The following FAM168B variants were observed in gnomAD, a reference collection of about 807,000 sequenced individuals.
FAM168B encodes myelin-associated neurite-outgrowth inhibitor.
Under a neutral mutation model 21.8 loss-of-function variants are expected in FAM168B, and 19 were observed. The observed-to-expected ratio is 0.87, with a 90% CI of 0.61 to 1.28. The LOEUF is 1.28. Ranked by LOEUF, FAM168B falls within the 50% of genes most tolerant of loss-of-function variation. The pLI is 0.00. For missense variants in FAM168B, 233 were observed against 263.1 expected, an observed-to-expected ratio of 0.89 and a Z score of 0.79; for synonymous variants, 126 against 104.8, an observed-to-expected ratio of 1.20 and a Z score of -1.24.
chr2:131,091,263 C>T lies in FAM168B; in HGVS notation c.-12+1951G>A, dbSNP rs192565692. Reference sequence around the variant, plus strand: ...CTGAGGCAGGAGAATCACTTGAACCCGGGAGGAGGAGGTTGCAGTGAGCCG... The same window carrying T: ...CTGAGGCAGGAGAATCACTTGAACCTGGGAGGAGGAGGTTGCAGTGAGCCG... On this transcript the variant is annotated intron_variant, in intron 1 of 6. Transcript: ENST00000389915. Among the ~76,000 whole-genome samples the T allele has an allele frequency of 2.6e-5, 4 of 151,908 alleles. No homozygotes were observed. In the East Asian group the frequency reaches 5.8e-4, roughly 22 times the overall value.
intron 1 of FAM168B, among the ~76,000 whole-genome samples, chr2:131,083,840 G>A (rs1693542270): frequency 6.6e-6 from 1 of 151,974 alleles, no homozygotes; most frequent in Non-Finnish European, 1.5e-5. Context: ...GACTCTAGAT[G>A]GGAGTGGATT....
At chr2:131,083,974 G>A (rs1476243057) in intron 1 of FAM168B, among the ~76,000 whole-genome samples, 1 of 151,988 alleles carries the variant, frequency 6.6e-6, no homozygotes, top group South Asian at 2.1e-4. Flanking sequence ...CATGATCTCA[G>A]CTCACTGCAA....
chr2:131,091,754 C>T (rs1694043049), intron 1 of FAM168B, among the ~76,000 whole-genome samples: 1 of 151,948 alleles, frequency 6.6e-6, no homozygotes, highest in Non-Finnish European at 1.5e-5. Flanking sequence ...TATTTCTGCA[C>T]AGTACAATCA....
intron 2 of FAM168B, 77 bp downstream of exon 2, chr2:131,082,500 A>C: frequency 9.9e-7 from 1 of 1,007,902 alleles, no homozygotes; most frequent in Non-Finnish European, 1.5e-6. Context: ...GTTTGTCAAT[A>C]GAAAGCATTC....
intron 2 of FAM168B, among the ~76,000 whole-genome samples, chr2:131,075,401 A>G (rs1693093015): frequency 1.3e-5 from 2 of 152,274 alleles, no homozygotes; most frequent in East Asian, 1.9e-4. Context: ...TCTCATGGGA[A>G]GAGGGCTGCT....
At position 131,062,926 on chromosome 2, in the gene FAM168B, A is replaced by G. The variant is rs188475515; in HGVS notation, c.155-7231T>C. 5.3e-5 allele frequency among the ~76,000 whole-genome samples: 8 copies of G among 152,346 alleles called. No homozygotes were observed. The East Asian group carries it at 1.5e-3, about 29-fold the overall frequency. The stretch of plus-strand genomic sequence containing the variant: ...AAAACCAAAAAGGAACTAAACAAAT[A>G]ATGATGTGCATGCTCAAGTTATTGA... On this transcript the variant is annotated intron_variant, in intron 3 of 6. Coordinates refer to ENST00000389915, the MANE Select transcript of FAM168B (RefSeq NM_001009993.4).
chr2:131,052,762 C>T, intron 6 of FAM168B, 129 bp downstream of exon 6: 1 of 1,393,080 alleles, frequency 7.2e-7, no homozygotes, highest in East Asian at 2.6e-5. Flanking sequence ...AATTTAAACA[C>T]TACATTGCCT....
At chr2:131,084,236 C>A (rs2105578714) in intron 1 of FAM168B, among the ~76,000 whole-genome samples, 1 of 141,726 alleles carries the variant, frequency 7.1e-6, no homozygotes, top group South Asian at 2.3e-4. Context: ...GTTGCCCAGG[C>A]TGGAGTGCAG....
intron 5 of FAM168B, among the ~76,000 whole-genome samples, chr2:131,053,950 G>C (rs1431307185): frequency 6.6e-6 from 1 of 152,006 alleles, no homozygotes; most frequent in Non-Finnish European, 1.5e-5. Context: ...ACGCCTGTAA[G>C]CCCAGCACTC....
intron 3 of FAM168B, 61 bp from the exon 4 acceptor site, chr2:131,055,756 C>A: frequency 6.3e-7 from 1 of 1,578,814 alleles, no homozygotes; most frequent in Non-Finnish European, 8.6e-7. Flanking sequence ...AGGGAGAGGA[C>A]ACAGGCAGGG....
rs946525007 is a variant in FAM168B at position 131,050,871 on chromosome 2, G to C, written c.*1594C>G. ...ACCACCACTGCACTGGGAAGAAGAC[G>C]CACGCTCCTGCCCTAGAGGCCGCTG... On this transcript the variant is annotated 3_prime_UTR_variant, in exon 7 of 7. Transcript: ENST00000389915. The C allele has an allele frequency of 3.0e-6, 3 of 985,344 alleles. No individual in the cohort carries two copies. The African/African-American group carries it at 5.2e-5, about 17-fold the overall frequency. The allele number at this position is 985,344 out of a possible 1,614,324, so 61.0% of individuals were successfully genotyped here.
chr2:131,055,882 C>T (rs781616419), intron 3 of FAM168B, among the ~76,000 whole-genome samples, 187 bp from the exon 4 acceptor site: 37 of 152,122 alleles, frequency 2.4e-4, no homozygotes, highest in Non-Finnish European at 4.4e-4. Flanking sequence ...TGTGTGCATG[C>T]ACGTGTGTGT....
At chr2:131,085,161 TA>T (rs995593337) in intron 1 of FAM168B, among the ~76,000 whole-genome samples, 1 of 151,908 alleles carries the variant, frequency 6.6e-6, no homozygotes, top group Non-Finnish European at 1.5e-5. Flanking sequence ...CTGCTAGACC[TA>T]AAAAAAAGTC....
At chr2:131,087,395 C>T (rs1693765206) in intron 1 of FAM168B, among the ~76,000 whole-genome samples, 1 of 152,090 alleles carries the variant, frequency 6.6e-6, no homozygotes, top group Non-Finnish European at 1.5e-5. Context: ...TCACTTGAAT[C>T]TGGGAGGCAG....
intron 1 of FAM168B, among the ~76,000 whole-genome samples, chr2:131,086,328 G>A (rs919051987): frequency 4.6e-5 from 7 of 152,166 alleles, no homozygotes; most frequent in Admixed American, 2.6e-4. Context: ...AGGCCACAGA[G>A]AAAACAAAAT....
intron 2 of FAM168B, among the ~76,000 whole-genome samples, chr2:131,078,801 TGAG>T (rs1332115859): frequency 6.6e-6 from 1 of 151,408 alleles, no homozygotes; most frequent in Non-Finnish European, 1.5e-5. Flanking sequence ...GGCAACACAG[TGAG>T]ACCCGATCTC....
intron 1 of FAM168B, among the ~76,000 whole-genome samples, chr2:131,092,795 A>C (rs1228776695): frequency 6.6e-6 from 1 of 152,094 alleles, no homozygotes; most frequent in Admixed American, 6.5e-5. Context: ...GAACGCTCAG[A>C]TTCCGCCAAG....
intron 3 of FAM168B, among the ~76,000 whole-genome samples, chr2:131,065,901 CTG>C (rs1692533948): frequency 6.6e-6 from 1 of 151,682 alleles, no homozygotes; most frequent in African/African-American, 2.4e-5. Flanking sequence ...CAGATAAACA[CTG>C]TGTGATAAAC....
chr2:131,073,926 G>C (rs1307335578), intron 2 of FAM168B, among the ~76,000 whole-genome samples: 3 of 152,178 alleles, frequency 2.0e-5, no homozygotes, highest in Admixed American at 2.0e-4. Context: ...ACTAAACCAT[G>C]ACCTAGTAAT....
Sources: allele counts gnomAD v4.1 joint callset (sites outside exome capture counted in the v4.1 genomes callset), GRCh38; gene constraint gnomAD v4.1.1; transcripts MANE v1.5; gene names NCBI Gene and HGNC (gene_info 2026-07-23, HGNC 2026-07-21).